CRYL1: variants seen among roughly 807,000 people sequenced by gnomAD.
CRYL1 encodes the protein lambda-crystallin homolog.
A neutral mutation model predicts 36.6 loss-of-function variants in CRYL1; 29 were observed. The observed-to-expected ratio is 0.79, with a 90% CI of 0.59 to 1.08. The LOEUF (loss-of-function observed/expected upper bound fraction) is 1.08. Among genes scored for constraint, CRYL1 ranks in the 50% least tolerant of loss-of-function variants. The pLI is 0.00. For synonymous variants in CRYL1, 152 were observed against 151.5 expected, an observed-to-expected ratio of 1.00 and a Z score of -0.02; for missense variants, 411 against 407.9, an observed-to-expected ratio of 1.01 and a Z score of -0.06.
At chr13:20,442,457 T>G (rs2032370619) in intron 3 of CRYL1, among the ~76,000 whole-genome samples, 1 of 152,204 alleles carries the variant, frequency 6.6e-6, no homozygotes, top group Non-Finnish European at 1.5e-5. Flanking sequence ...AAAGGGAGTC[T>G]GACAAATTTA....
chr13:20,425,061 C>T lies in CRYL1; in HGVS notation c.633+7041G>A, dbSNP rs566944315. ...ACCACACAGATGTTGCCAATGTCTG[C>T]GCTGTGCTATTTTACTCAAGCCTCA... On this transcript the variant is annotated intron_variant, in intron 5 of 7. Transcript: ENST00000298248. The surrounding 1 kb of genome is among the most constrained non-coding windows in gnomAD (Gnocchi z 4.4). Among the ~76,000 whole-genome samples the T allele has an allele frequency of 8.5e-5, 13 of 152,282 alleles. No homozygotes were observed. Among genetic ancestry groups the T allele is most frequent in the African/African-American group, 2.9e-4 (12 of 41,556 alleles).
intron 4 of CRYL1, among the ~76,000 whole-genome samples, chr13:20,438,869 G>A (rs760631308): frequency 3.9e-5 from 6 of 152,134 alleles, no homozygotes; most frequent in Non-Finnish European, 5.9e-5. Flanking sequence ...CTCAAACGTC[G>A]TTCACTGAAT....
intron 1 of CRYL1, chr13:20,513,430 C>G (rs188458589): frequency 1.3e-5 from 2 of 152,410 alleles, no homozygotes; most frequent in East Asian, 3.9e-4. Flanking sequence ...CAGGCACCAT[C>G]AAACATACCA....
chr13:20,425,216 C>T lies in CRYL1; in HGVS notation c.633+6886G>A, dbSNP rs1565959667. Among the ~76,000 whole-genome samples, 1 of 152,238 alleles carries T rather than the reference C, an allele frequency of 6.6e-6. No homozygotes were observed. Among genetic ancestry groups the T allele is most frequent in the African/African-American group, 2.4e-5 (1 of 41,452 alleles). On this transcript the variant is annotated intron_variant, in intron 5 of 7. Coordinates refer to ENST00000298248, the MANE Select transcript of CRYL1 (RefSeq NM_015974.3). This position sits in a 1 kb window ranked among gnomAD's most constrained non-coding sequence, Gnocchi z 4.4. ...GTCTCCTGTTGGCGGTGGCTCCGCA[C>T]AGGCTTCCTCTTGTCAAGCTCTGCT...
chr13:20,520,373 G>A (rs2034071808), intron 1 of CRYL1, among the ~76,000 whole-genome samples: 1 of 152,154 alleles, frequency 6.6e-6, no homozygotes, highest in East Asian at 1.9e-4. Flanking sequence ...TCATGAGGGA[G>A]GGAGCATGGT....
At chr13:20,487,877 G>A (rs994062881) in intron 3 of CRYL1, among the ~76,000 whole-genome samples, 3 of 152,148 alleles carry the variant, frequency 2.0e-5, no homozygotes, top group African/African-American at 2.4e-5. Context: ...CAAGGCCAGC[G>A]GATCACTTGA....
chr13:20,410,147 T>C (rs1474734929), intron 6 of CRYL1, among the ~76,000 whole-genome samples: 2 of 150,332 alleles, frequency 1.3e-5, no homozygotes, highest in Non-Finnish European at 3.0e-5. Flanking sequence ...TGTCCAACAA[T>C]GATAGACTGG....
intron 7 of CRYL1, 23 bp downstream of exon 7, chr13:20,404,612 T>G (rs1359108348): frequency 1.2e-5 from 17 of 1,463,478 alleles, no homozygotes; most frequent in South Asian, 2.3e-5. Flanking sequence ...TTCTCTGCAG[T>G]GAGTTGCAGA....
chr13:20,512,541 A>G lies in CRYL1; in HGVS notation c.51T>C (p.Ile17=), dbSNP rs1306872019. 6.2e-7 allele frequency: 1 copy of G among 1,613,006 alleles called. No individual in the cohort carries two copies. The highest frequency in any genetic ancestry group is 8.5e-7 in the Non-Finnish European group (1 of 1,179,188). The part of the protein sequence containing the change: ...GCVVIVGSGV[I]GRSWAMLFAS... ...CAAACAGCATGGCCCAGCTTCGCCC[A>G]ATGACTCCACTGAAGGGAGATAAAA... The change falls in exon 2 of 8, where the codon ATT becomes ATC. Residue 17 remains isoleucine, a synonymous_variant. Transcript: ENST00000298248.
At chr13:20,517,603 TA>T (rs1418803003) in intron 1 of CRYL1, among the ~76,000 whole-genome samples, 1 of 145,288 alleles carries the variant, frequency 6.9e-6, no homozygotes. Context: ...CTCAAAAAAA[TA>T]AAAAAAGTAA....
chr13:20,454,628 C>T (rs1269234695), intron 3 of CRYL1, among the ~76,000 whole-genome samples: 1 of 152,054 alleles, frequency 6.6e-6, no homozygotes, highest in African/African-American at 2.4e-5. Flanking sequence ...ACCGTGTTCG[C>T]CAGGATGGCC....
At chr13:20,439,518 AAAAAAAAAAAAAG>A in intron 4 of CRYL1, 62 bp downstream of exon 4, 2 of 722,142 alleles carry the variant, frequency 2.8e-6, no homozygotes, top group Non-Finnish European at 2.0e-6. Context: ...CCCCCGCAAA[AAAAAAAAAAAAAG>A]AAAAAAAAAA....
chr13:20,426,153 G>C (rs1045254918), intron 5 of CRYL1, among the ~76,000 whole-genome samples: 9 of 152,124 alleles, frequency 5.9e-5, no homozygotes, highest in African/African-American at 1.7e-4. Flanking sequence ...AGGCCCAAGC[G>C]GGGCAGGTCT....
chr13:20,520,143 T>C (rs1327542336), intron 1 of CRYL1, among the ~76,000 whole-genome samples: 7 of 152,212 alleles, frequency 4.6e-5, no homozygotes, highest in African/African-American at 4.8e-5. Flanking sequence ...CTCTCAACTT[T>C]AACACAGTTT....
intron 3 of CRYL1, among the ~76,000 whole-genome samples, chr13:20,484,278 G>C (rs1388168225): frequency 2.6e-5 from 4 of 152,156 alleles, no homozygotes; most frequent in African/African-American, 7.2e-5. Context: ...CCTGAGATGA[G>C]GCAGCACCAC....
rs571471972 is a variant in CRYL1, at chr13:20,490,424, T to C, written c.150-928A>G. Among the ~76,000 whole-genome samples the C allele has an allele frequency of 2.6e-5, 4 of 151,956 alleles. No homozygotes were observed. The South Asian group carries it at 8.3e-4, about 32-fold the overall frequency. Reference sequence around the variant, plus strand: ...TAATAACAGAGACAGAACTAGAATGTTGGTAGCTGCCAGGGGCTGGAGGTT... The same window carrying C: ...TAATAACAGAGACAGAACTAGAATGCTGGTAGCTGCCAGGGGCTGGAGGTT... On this transcript the variant is annotated intron_variant, in intron 2 of 7. Coordinates refer to ENST00000298248, the MANE Select transcript of CRYL1 (RefSeq NM_015974.3).
intron 2 of CRYL1, among the ~76,000 whole-genome samples, chr13:20,495,337 C>A (rs1329464401): frequency 6.6e-6 from 1 of 152,098 alleles, no homozygotes; most frequent in Non-Finnish European, 1.5e-5. Flanking sequence ...AACACTAGGA[C>A]TCAAAATACT....
At chr13:20,492,788 G>A (rs1358797223) in intron 2 of CRYL1, among the ~76,000 whole-genome samples, 2 of 152,184 alleles carry the variant, frequency 1.3e-5, no homozygotes, top group African/African-American at 4.8e-5. Flanking sequence ...TGTGGTTGCA[G>A]GTATATTGTT....
intron 5 of CRYL1, among the ~76,000 whole-genome samples, chr13:20,428,058 C>G (rs771069766): frequency 6.6e-6 from 1 of 152,158 alleles, no homozygotes; most frequent in Non-Finnish European, 1.5e-5. Flanking sequence ...CACCCTGGCC[C>G]GGATGGTTTC....
Sources: allele counts gnomAD v4.1 joint callset (sites outside exome capture counted in the v4.1 genomes callset), GRCh38; gene constraint gnomAD v4.1.1; non-coding constraint Gnocchi (gnomAD v3.1); transcripts MANE v1.5; gene names NCBI Gene and HGNC (gene_info 2026-07-23, HGNC 2026-07-21).